S100Z: variants seen among roughly 807,000 people sequenced by gnomAD.
S100Z encodes the protein S100 calcium binding protein Z, also known as protein S100-Z.
A neutral mutation model predicts 8.5 loss-of-function variants in S100Z; 11 were observed. The observed-to-expected ratio is 1.30, with a 90% CI of 0.82 to 2.15. The LOEUF is 2.15. Ranked by LOEUF, S100Z falls within the 30% of genes most tolerant of loss-of-function variation. The pLI is 0.00. For missense variants in S100Z, 126 were observed against 117.9 expected (o/e 1.07, Z -0.32); for synonymous variants, 34 against 43.8 (o/e 0.78, Z 0.89).
At chr5:76,884,762 G>A (rs571886467) in intron 4 of S100Z, among the ~76,000 whole-genome samples, 16 of 152,238 alleles carry the variant, frequency 1.1e-4, no homozygotes, top group Admixed American at 3.9e-4. Context: ...TATAGGGTGC[G>A]GAAGCAGAGG....
intron 4 of S100Z, among the ~76,000 whole-genome samples, chr5:76,920,197 C>G (rs569454105): frequency 7.1e-4 from 108 of 152,312 alleles, no homozygotes; most frequent in Middle Eastern, 6.8e-3. Flanking sequence ...GCATGAGCCA[C>G]CACGCCCGGC....
At chr5:76,860,736 T>C (rs1023177466) in intron 1 of S100Z, among the ~76,000 whole-genome samples, 14 of 152,096 alleles carry the variant, frequency 9.2e-5, no homozygotes, top group African/African-American at 3.4e-4. Context: ...TTCAAGGAGG[T>C]CATTTGCAGA....
intron 1 of S100Z, 78 bp downstream of exon 1, chr5:76,850,233 G>A (rs1750682810): frequency 6.6e-6 from 1 of 150,866 alleles, no homozygotes; most frequent in Admixed American, 6.6e-5. Context: ...CGTTGGATTA[G>A]AGAGGGCAAC....
chr5:76,866,111 G>C lies in S100Z; in HGVS notation c.-175-4055G>C, dbSNP rs1392685991. ...TTTGTTTGCTTGTTTTTGAGACAGGGTGTTGCTCTGTCACCCAGGCTGGAG... is the reference window on the plus strand; with the variant it reads ...TTTGTTTGCTTGTTTTTGAGACAGGCTGTTGCTCTGTCACCCAGGCTGGAG... On this transcript the variant is annotated intron_variant, in intron 1 of 4. Coordinates refer to ENST00000317593, the MANE Select transcript of S100Z (RefSeq NM_130772.4). 5.4e-5 allele frequency among the ~76,000 whole-genome samples: 8 copies of C among 149,074 alleles called. No homozygotes were observed. The East Asian group carries it at 1.6e-3, about 29-fold the overall frequency.
the S100Z span, among the ~76,000 whole-genome samples, chr5:76,927,708 G>A: frequency 6.6e-6 from 1 of 152,352 alleles, no homozygotes; most frequent in East Asian, 1.9e-4. Flanking sequence ...ATGAACAACA[G>A]TTGTAGAAAG....
chr5:76,887,097 T>A (rs1038684445), intron 4 of S100Z, among the ~76,000 whole-genome samples: 16 of 151,594 alleles, frequency 1.1e-4, no homozygotes, highest in Admixed American at 8.5e-4. Flanking sequence ...TTTCTTTTCT[T>A]TTCTTTTTTT....
At chr5:76,938,775 A>C in the S100Z span, among the ~76,000 whole-genome samples, 1 of 152,134 alleles carries the variant, frequency 6.6e-6, no homozygotes, top group Non-Finnish European at 1.5e-5. Flanking sequence ...AGTAGAGATC[A>C]TGTTTTTTTC....
chr5:76,919,446 G>A (rs1744962729), intron 4 of S100Z, among the ~76,000 whole-genome samples: 1 of 152,076 alleles, frequency 6.6e-6, no homozygotes, highest in African/African-American at 2.4e-5. Context: ...GACATATTTT[G>A]TGGAGGATCT....
intron 4 of S100Z, among the ~76,000 whole-genome samples, chr5:76,879,597 T>C (rs1040179963): frequency 5.3e-4 from 81 of 152,134 alleles, no homozygotes; most frequent in African/African-American, 1.9e-3. Context: ...TCAGGGTAAA[T>C]GGGGGACTGG....
At chr5:76,863,667 T>C (rs987158377) in intron 1 of S100Z, among the ~76,000 whole-genome samples, 3 of 151,944 alleles carry the variant, frequency 2.0e-5, no homozygotes, top group Non-Finnish European at 2.9e-5. Context: ...GCCTCCCAAG[T>C]AGCTGGGACT....
chr5:76,875,978 G>A (rs2150641283), intron 3 of S100Z, among the ~76,000 whole-genome samples: 2 of 152,296 alleles, frequency 1.3e-5, no homozygotes, highest in South Asian at 4.1e-4. Context: ...AGCACAGACT[G>A]ATTGGGATTG....
At chr5:76,889,775 T>C (rs1743794451) in intron 4 of S100Z, among the ~76,000 whole-genome samples, 1 of 152,238 alleles carries the variant, frequency 6.6e-6, no homozygotes, top group Non-Finnish European at 1.5e-5. Flanking sequence ...GAAGGCAAAA[T>C]TGGTTGTTTC....
chr5:76,863,336 C>T (rs933815758), intron 1 of S100Z, among the ~76,000 whole-genome samples: 9 of 152,132 alleles, frequency 5.9e-5, no homozygotes, highest in African/African-American at 2.2e-4. Flanking sequence ...CCTTAACACA[C>T]TTTAGAATCA....
At chr5:76,939,959 A>T in the S100Z span, among the ~76,000 whole-genome samples, 1 of 151,964 alleles carries the variant, frequency 6.6e-6, no homozygotes, top group Non-Finnish European at 1.5e-5. Flanking sequence ...AGAGATCGAG[A>T]CCATTCTGAC....
At chr5:76,952,849 G>C in the S100Z span, 2 of 443,604 alleles carry the variant, frequency 4.5e-6, no homozygotes, top group Non-Finnish European at 8.3e-6. Flanking sequence ...CTAAGTTGTA[G>C]TGACTGAAAT....
At chr5:76,893,105 G>T (rs1285419293) in intron 4 of S100Z, among the ~76,000 whole-genome samples, 2 of 152,318 alleles carry the variant, frequency 1.3e-5, no homozygotes, top group Non-Finnish European at 2.9e-5. Context: ...CTTTGGCACA[G>T]TGAGTTTGGG....
chr5:76,873,947 T>C (rs1743094475), intron 2 of S100Z, among the ~76,000 whole-genome samples: 1 of 152,180 alleles, frequency 6.6e-6, no homozygotes. Context: ...TTTTATTAGG[T>C]AATACATTCC....
the S100Z span, among the ~76,000 whole-genome samples, chr5:76,943,370 T>A: frequency 2.6e-5 from 4 of 152,218 alleles, no homozygotes; most frequent in Non-Finnish European, 4.4e-5. Context: ...AACTCCAGGC[T>A]GAAGGCATTT....
rs1310647744 is a variant in S100Z, at chr5:76,874,890, AT to A, written c.-56-402del. On this transcript the variant is annotated intron_variant, in intron 2 of 4. Coordinates refer to ENST00000317593, the MANE Select transcript of S100Z (RefSeq NM_130772.4). ...TAATGAAAGACTATTATTATTATTAATTTTTTTTTTTTGAGACGGCGTCTCG... is the reference window on the plus strand; with the variant it reads ...TAATGAAAGACTATTATTATTATTAATTTTTTTTTTTGAGACGGCGTCTCG... 4.5e-3 allele frequency among the ~76,000 whole-genome samples: 665 copies of A among 146,208 alleles called. 6 individuals carry two copies. Among genetic ancestry groups the A allele is most frequent in the African/African-American group, 0.014 (545 of 40,046 alleles).
Sources: allele counts gnomAD v4.1 joint callset (sites outside exome capture counted in the v4.1 genomes callset), GRCh38; gene constraint gnomAD v4.1.1; transcripts MANE v1.5; gene names NCBI Gene and HGNC (gene_info 2026-07-23, HGNC 2026-07-21).